The following WDFY3 variants were observed in gnomAD, a reference collection of about 807,000 sequenced individuals.
WDFY3 encodes the protein WD repeat and FYVE domain containing 3.
A neutral mutation model predicts 409.6 loss-of-function variants in WDFY3; 66 were observed. The observed-to-expected ratio is 0.16, with a 90% CI of 0.13 to 0.20. The LOEUF (loss-of-function observed/expected upper bound fraction) is 0.20. Among genes scored for constraint, WDFY3 ranks in the 10% least tolerant of loss-of-function variants. The pLI is 1.00. For synonymous variants in WDFY3, 1,521 were observed against 1,537.1 expected (o/e 0.99, Z 0.25); for missense variants, 3,031 against 4,298.1 (o/e 0.71, Z 8.24).
intron 44 of WDFY3, among the ~76,000 whole-genome samples, chr4:84,731,994 A>C (rs1281414854): frequency 6.6e-6 from 1 of 152,218 alleles, no homozygotes; most frequent in Non-Finnish European, 1.5e-5. Flanking sequence ...TAGGGAAAAA[A>C]GATTAAGAAC....
chr4:84,831,917 A>G (rs1755796283), intron 7 of WDFY3, among the ~76,000 whole-genome samples: 1 of 152,194 alleles, frequency 6.6e-6, no homozygotes, highest in South Asian at 2.1e-4. Flanking sequence ...GCCATTATGA[A>G]AAACAGTATG....
chr4:84,965,282 A>G (rs1278072276), intron 1 of WDFY3, among the ~76,000 whole-genome samples: 1 of 152,232 alleles, frequency 6.6e-6, no homozygotes, highest in African/African-American at 2.4e-5. Flanking sequence ...TTCAAACTAC[A>G]TAGTAAACCA....
intron 66 of WDFY3, 121 bp downstream of exon 66, chr4:84,678,047 G>T: frequency 2.3e-5 from 11 of 486,616 alleles, no homozygotes; most frequent in Non-Finnish European, 2.7e-5. Flanking sequence ...TTATCTCTTT[G>T]AGCTACATAC....
chr4:84,688,696 T>C (rs980598988), intron 61 of WDFY3, among the ~76,000 whole-genome samples: 3 of 151,974 alleles, frequency 2.0e-5, no homozygotes, highest in African/African-American at 7.2e-5. Flanking sequence ...TTCTAAAGAA[T>C]TACAATTGAA....
intron 35 of WDFY3, 98 bp from the exon 36 acceptor site, chr4:84,751,814 C>T (rs112403294): frequency 1.7e-5 from 22 of 1,312,906 alleles, no homozygotes; most frequent in African/African-American, 7.2e-5. Context: ...CAGCATTTTC[C>T]ACCTATTAAG....
In WDFY3 at chr4:84,677,150, C is replaced by T. The variant is rs752574534; in HGVS notation, c.10457+49G>A. ...CCTGTGTGCAGGACATAATTAACAA[C>T]CTTAGAGCTTAATCAATGTAAATTC... is the stretch of plus-strand genomic sequence containing the variant. On this transcript the variant is annotated intron_variant, in intron 67 of 67. Transcript: ENST00000295888. 3 of 1,605,788 alleles carry T rather than the reference C, an allele frequency of 1.9e-6. No individual in the cohort carries two copies. The Admixed American group carries it at 5.0e-5, about 27-fold the overall frequency.
rs766007344 is a variant in WDFY3, at chr4:84,821,242, C to G, written c.1433G>C (p.Cys478Ser). The change falls in exon 11 of 68, where the codon TGT becomes TCT. Residue 478 changes from cysteine to serine, a missense_variant. Around this residue, in one of 16 missense-constraint regions of WDFY3, gnomAD observed 1,322 missense variants for 1,697.9 expected, o/e 0.78. Coordinates refer to ENST00000295888, the MANE Select transcript of WDFY3 (RefSeq NM_014991.6). Reference sequence around the variant, plus strand: ...AAGTGTTTTCATTGCAATAATGCTACAGTGATAAGAAGAGCTAGATTTTAA... The same window carrying G: ...AAGTGTTTTCATTGCAATAATGCTAGAGTGATAAGAAGAGCTAGATTTTAA... ...ILLKSSSSYH[C>S]SIIAMKTLLK... is the part of the protein sequence containing the mutation. 6 of 1,613,674 alleles carry G rather than the reference C, an allele frequency of 3.7e-6. No homozygotes were observed. Among genetic ancestry groups the G allele is most frequent in the Non-Finnish European group, 5.1e-6 (6 of 1,179,794 alleles).
intron 3 of WDFY3, among the ~76,000 whole-genome samples, chr4:84,872,976 C>T (rs1762322169): frequency 1.3e-5 from 2 of 152,050 alleles, no homozygotes; most frequent in African/African-American, 4.8e-5. Context: ...GATCATTTCT[C>T]CAAGAAGACA....
chr4:84,958,833 C>G (rs1291126887), intron 1 of WDFY3, among the ~76,000 whole-genome samples: 2 of 152,186 alleles, frequency 1.3e-5, no homozygotes, highest in Non-Finnish European at 2.9e-5. Context: ...ACTTGCTCTT[C>G]TCTCAGTCCT....
intron 1 of WDFY3, chr4:84,965,919 T>TC (rs1775632658): frequency 6.6e-6 from 1 of 152,194 alleles, no homozygotes; most frequent in South Asian, 2.1e-4. Context: ...TCCGCTCCGC[T>TC]CGCCGCCCGT....
At chr4:84,839,880 A>C (rs1757096888) in intron 6 of WDFY3, among the ~76,000 whole-genome samples, 1 of 152,142 alleles carries the variant, frequency 6.6e-6, no homozygotes, top group African/African-American at 2.4e-5. Context: ...GAAAGAAAAA[A>C]AAAAGAGAGA....
intron 1 of WDFY3, among the ~76,000 whole-genome samples, chr4:84,947,730 A>T (rs1208782193): frequency 4.1e-5 from 6 of 147,986 alleles, no homozygotes; most frequent in African/African-American, 1.5e-4. Flanking sequence ...AAAAAAAAAA[A>T]CATTAGCCAG....
At chr4:84,904,495 T>C (rs993827070) in intron 2 of WDFY3, among the ~76,000 whole-genome samples, 1 of 152,202 alleles carries the variant, frequency 6.6e-6, no homozygotes, top group Middle Eastern at 3.2e-3. Flanking sequence ...ATGGTAGAGA[T>C]GTAATACTTT....
rs773897989 is a variant in WDFY3, at chr4:84,691,734, G to A, written c.9101C>T (p.Ala3034Val). 32 of 1,613,910 alleles carry A rather than the reference G, an allele frequency of 2.0e-5. No individual in the cohort carries two copies. The highest frequency in any genetic ancestry group is 6.6e-5 in the South Asian group (6 of 91,062). ...QIVCTDKGILAVEQNKVLIPP... is the reference protein window; with the variant it reads ...QIVCTDKGILVVEQNKVLIPP... ...GATAAGAACCTTATTCTGTTCCACCGCAAGAATACCTTTATCTGTACATAC... is the reference window on the plus strand; with the variant it reads ...GATAAGAACCTTATTCTGTTCCACCACAAGAATACCTTTATCTGTACATAC... Residue 3034 changes from alanine (A) to valine (V), a missense_variant, in exon 60 of 68, where the codon GCG (alanine) becomes GTG (valine). This residue lies in a region of WDFY3 where 152 missense variants were observed against 193.5 expected (regional missense o/e 0.79). Transcript: ENST00000295888.
rs558121551 is a variant in WDFY3 at position 84,789,142 on chromosome 4, C to A, written c.3669+584G>T. ...TACAAAGTAACAAGCAGGATTTATT[C>A]TCATTCAGAAAAAGGGAGTTTCACT... On this transcript the variant is annotated intron_variant, in intron 22 of 67. Transcript: ENST00000295888. Among the ~76,000 whole-genome samples the A allele has an allele frequency of 9.8e-5, 15 of 152,292 alleles. No homozygotes were observed. In the East Asian group the frequency reaches 2.9e-3, roughly 29 times the overall value.
intron 3 of WDFY3, among the ~76,000 whole-genome samples, chr4:84,890,601 T>C (rs1764819706): frequency 6.6e-6 from 1 of 152,192 alleles, no homozygotes; most frequent in Non-Finnish European, 1.5e-5. Flanking sequence ...AGAGGCAGCT[T>C]TCTGCCTCTG....
chr4:84,885,603 G>T (rs1381057967), intron 3 of WDFY3, among the ~76,000 whole-genome samples: 1 of 151,924 alleles, frequency 6.6e-6, no homozygotes, highest in East Asian at 1.9e-4. Flanking sequence ...CAATCCCACT[G>T]GAAAAAAGGC....
intron 32 of WDFY3, 69 bp from the exon 33 acceptor site, chr4:84,757,230 A>C: frequency 7.1e-7 from 1 of 1,399,044 alleles, no homozygotes; most frequent in East Asian, 2.3e-5. Flanking sequence ...TTAACAAAGA[A>C]GGAAGTAATT....
intron 5 of WDFY3, among the ~76,000 whole-genome samples, chr4:84,842,449 C>T (rs775714226): frequency 2.0e-4 from 30 of 151,552 alleles, no homozygotes; most frequent in African/African-American, 7.3e-4. Flanking sequence ...TGCACTCCAG[C>T]CTGGGCAACA....
Sources: gnomAD v4.1 joint callset for allele counts (sites outside exome capture counted in the v4.1 genomes callset) on GRCh38, gnomAD v4.1.1 for gene constraint, gnomAD v4.1.1 regional missense constraint, MANE v1.5 for transcripts, NCBI Gene and HGNC (gene_info 2026-07-23, HGNC 2026-07-21) for gene names.